The following H2BC4 variants were observed in gnomAD, a reference collection of about 807,000 sequenced individuals.
The protein encoded by H2BC4 is H2B clustered histone 4, also known as histone H2B type 1-C/E/F/G/I.
Under a neutral mutation model 6.2 loss-of-function variants are expected in H2BC4, and 10 were observed. The observed-to-expected ratio is 1.61, with a 90% confidence interval of 0.99 to 2.73. The LOEUF (loss-of-function observed/expected upper bound fraction) is 2.73, where lower values mean the gene tolerates loss of function less well. H2BC4 is among the 30% of genes most tolerant of loss of function. The pLI is 0.00. For missense variants in H2BC4, 176 were observed against 168.7 expected (o/e 1.04, Z -0.24); for synonymous variants, 146 against 70.7 (o/e 2.07, Z -5.35).
downstream of H2BC4, chr6:26,123,246 C>T (rs189927783): frequency 2.4e-5 from 12 of 508,460 alleles, no homozygotes; most frequent in Admixed American, 2.4e-4. Context: ...CTTCCGGGAA[C>T]GCCGAGTTAG....
downstream of H2BC4, among the ~76,000 whole-genome samples, chr6:26,122,123 A>G (rs1416788622): frequency 6.6e-6 from 1 of 152,038 alleles, no homozygotes; most frequent in African/African-American, 2.4e-5. Flanking sequence ...TCTCATCAGA[A>G]TTTCTCAGAT....
Position 26,123,833 on chromosome 6 carries a change from C to T in H2BC4, c.72G>A (p.Lys24=), listed in dbSNP as rs761882382. The T allele has an allele frequency of 5.6e-6, 9 of 1,614,142 alleles. No homozygotes were observed. In the African/African-American group the frequency reaches 6.7e-5, roughly 12 times the overall value. ...TGCGCTTGCGCTTCTTGCCATCTTT[C>T]TTCTGCGCTTTGGTCACTGCCTTCT... ...GSKKAVTKAQ[K]KDGKKRKRSR... Residue 24 remains lysine (K), a synonymous_variant, in exon 1 of 1, where the codon AAG becomes AAA. Transcript: ENST00000396984.
At chr6:26,123,429 A>T (rs181595196), downstream of H2BC4, 440 of 1,557,674 alleles carry the variant, frequency 2.8e-4, 9 homozygotes, top group East Asian at 9.2e-3. Context: ...CCGCCAAATA[A>T]AATTTGGCGT....
downstream of H2BC4, among the ~76,000 whole-genome samples, chr6:26,113,289 T>A (rs937286114): frequency 6.6e-6 from 1 of 152,254 alleles, no homozygotes; most frequent in Admixed American, 6.5e-5. Context: ...ATCATTAAGC[T>A]TTTTATCACT....
chr6:26,118,120 T>C (rs1763448020), intron 1 of H2BC4, among the ~76,000 whole-genome samples: 1 of 152,122 alleles, frequency 6.6e-6, no homozygotes, highest in South Asian at 2.1e-4. Flanking sequence ...ACCATGTGAG[T>C]TTGTTTAGTT....
At chr6:26,119,213 C>T (rs1034327155), downstream of H2BC4, among the ~76,000 whole-genome samples, 2 of 151,974 alleles carry the variant, frequency 1.3e-5, no homozygotes, top group African/African-American at 4.8e-5. Context: ...GTCCTCTACG[C>T]CCACACGTAT....
chr6:26,122,674 G>A (rs1209494384), downstream of H2BC4, among the ~76,000 whole-genome samples: 2 of 152,178 alleles, frequency 1.3e-5, no homozygotes, highest in Non-Finnish European at 2.9e-5. Flanking sequence ...GCAGTTAAGA[G>A]TTGGCTTCTC....
downstream of H2BC4, among the ~76,000 whole-genome samples, chr6:26,122,873 C>CA (rs1456081099): frequency 6.6e-6 from 1 of 152,162 alleles, no homozygotes; most frequent in Non-Finnish European, 1.5e-5. Context: ...GCAGTGCTTA[C>CA]ATCTTTAGTT....
downstream of H2BC4, among the ~76,000 whole-genome samples, chr6:26,121,325 G>C (rs1763494007): frequency 6.6e-6 from 1 of 152,140 alleles, no homozygotes; most frequent in Non-Finnish European, 1.5e-5. Flanking sequence ...CAACCAATCA[G>C]CCAAGTCCAA....
At chr6:26,118,151 A>G (rs1763448427) in intron 1 of H2BC4, among the ~76,000 whole-genome samples, 1 of 152,156 alleles carries the variant, frequency 6.6e-6, no homozygotes, top group Non-Finnish European at 1.5e-5. Context: ...TGTTTTTTTG[A>G]CAATGGCTTT....
downstream of H2BC4, among the ~76,000 whole-genome samples, chr6:26,120,913 A>C (rs1429243609): frequency 6.6e-6 from 1 of 152,250 alleles, no homozygotes; most frequent in Non-Finnish European, 1.5e-5. Context: ...GCAGTTATTG[A>C]GACCAGACAT....
rs1756641181 is a variant in H2BC4, at chr6:26,123,797, C to A, written c.108G>T (p.Glu36Asp). Residue 36 changes from glutamate to aspartate, a missense_variant, in exon 1 of 1, where the codon GAG becomes GAT. Coordinates refer to ENST00000396984, the MANE Select transcript of H2BC4 (RefSeq NM_003526.3). ...DGKKRKRSRK[E>D]SYSVYVYKVL... ...CCTTGTACACGTACACAGAGTAACT[C>A]TCCTTGCGGCTGCGCTTGCGCTTCT... 1 of 1,614,160 alleles carries A rather than the reference C, an allele frequency of 6.2e-7. No individual in the cohort carries two copies. Among genetic ancestry groups the A allele is most frequent in the African/African-American group, 1.3e-5 (1 of 74,958 alleles).
chr6:26,118,479 C>A (rs1426003432), downstream of H2BC4, among the ~76,000 whole-genome samples: 7 of 152,124 alleles, frequency 4.6e-5, no homozygotes, highest in Admixed American at 3.9e-4. Context: ...TTGTTACAAA[C>A]CTGCAAAAAG....
At chr6:26,113,658 G>C (rs1763386277), downstream of H2BC4, among the ~76,000 whole-genome samples, 1 of 151,984 alleles carries the variant, frequency 6.6e-6, no homozygotes. Context: ...TTGTTGGCTT[G>C]GGCTGCCATA....
downstream of H2BC4, among the ~76,000 whole-genome samples, chr6:26,120,857 T>C (rs1763488488): frequency 6.6e-6 from 1 of 152,202 alleles, no homozygotes; most frequent in Non-Finnish European, 1.5e-5. Context: ...GGGGCAATAA[T>C]GTGAAATTAC....
At position 26,123,512 on chromosome 6, in the gene H2BC4, T is replaced by G; in HGVS notation, c.*12A>C. On this transcript the variant is annotated 3_prime_UTR_variant, in exon 1 of 1. Transcript: ENST00000396984. ...CTTTGGGGTTAGGTGTTAAGACGCTTACTTGGAATGTTTACTTGGAGCTGG... is the reference window on the plus strand; with the variant it reads ...CTTTGGGGTTAGGTGTTAAGACGCTGACTTGGAATGTTTACTTGGAGCTGG... The G allele has an allele frequency of 6.2e-7, 1 of 1,614,192 alleles. No individual in the cohort carries two copies. The highest frequency in any genetic ancestry group is 8.5e-7 in the Non-Finnish European group (1 of 1,180,028).
At chr6:26,115,227 T>C (rs1406633142) in intron 1 of H2BC4, 2 of 152,260 alleles carry the variant, frequency 1.3e-5, no homozygotes, top group East Asian at 3.8e-4. Context: ...ATAATGATGA[T>C]GGCTAAAGTT....
At chr6:26,122,557 C>T (rs1763515430), downstream of H2BC4, among the ~76,000 whole-genome samples, 2 of 152,158 alleles carry the variant, frequency 1.3e-5, no homozygotes, top group African/African-American at 2.4e-5. Flanking sequence ...CTAGGAGATA[C>T]AGTGTATGTG....
rs2113800221 is a variant in H2BC4 at position 26,123,808 on chromosome 6, T to C, written c.97A>G (p.Ser33Gly). ...TACACAGAGTAACTCTCCTTGCGGC[T>C]GCGCTTGCGCTTCTTGCCATCTTTC... ...QKKDGKKRKR[S>G]RKESYSVYVY... Residue 33 changes from serine to glycine, a missense_variant, in exon 1 of 1, where the codon AGC becomes GGC. Physicochemically the swap from Ser to Gly is moderately conservative, Grantham distance 56 (BLOSUM62 0). Transcript: ENST00000396984. 6.2e-7 allele frequency: 1 copy of C among 1,614,276 alleles called. No homozygotes were observed. Among genetic ancestry groups the C allele is most frequent in the Non-Finnish European group, 8.5e-7 (1 of 1,180,044 alleles).
Sources: allele counts gnomAD v4.1 joint callset (sites outside exome capture counted in the v4.1 genomes callset), GRCh38; gene constraint gnomAD v4.1.1; transcripts MANE v1.5; gene names NCBI Gene and HGNC (gene_info 2026-07-23, HGNC 2026-07-21).